The following COPB1 variants were observed in gnomAD, a reference collection of about 807,000 sequenced individuals.
COPB1 encodes coat protein complex I subunit beta 1, also known as coatomer subunit beta.
In COPB1, 21 loss-of-function variants were observed where a neutral mutation model predicts 108.7. That is an observed-to-expected ratio of 0.19 (90% CI 0.14 to 0.28). The LOEUF is 0.28. Ranked by LOEUF, COPB1 falls within the 10% of genes least tolerant of loss-of-function variation. The pLI, the probability that COPB1 is intolerant of heterozygous loss-of-function variation, is 1.00. For missense variants in COPB1, 919 were observed against 1,141.3 expected (o/e 0.81, Z 2.81); for synonymous variants, 378 against 386.8 (o/e 0.98, Z 0.27).
chr11:14,458,105 A>G (rs1043486844), intron 21 of COPB1, among the ~76,000 whole-genome samples: 1 of 132,584 alleles, frequency 7.5e-6, no homozygotes, highest in Non-Finnish European at 1.5e-5. Flanking sequence ...TTTGAGACGA[A>G]GTCTCATTCT....
chr11:14,464,746 T>C (rs1044063521), intron 18 of COPB1, among the ~76,000 whole-genome samples, 165 bp downstream of exon 18: 1 of 152,202 alleles, frequency 6.6e-6, no homozygotes, highest in Non-Finnish European at 1.5e-5. Flanking sequence ...GGTTCATTTC[T>C]GTACATCCAG....
intron 14 of COPB1, among the ~76,000 whole-genome samples, chr11:14,469,825 AACC>A (rs1850364417): frequency 6.6e-6 from 1 of 152,168 alleles, no homozygotes; most frequent in Admixed American, 6.5e-5. Context: ...CCTTCTCTGT[AACC>A]ACTTCATATG....
At chr11:14,482,139 G>A (rs1050026960) in intron 8 of COPB1, among the ~76,000 whole-genome samples, 2 of 152,016 alleles carry the variant, frequency 1.3e-5, no homozygotes, top group African/African-American at 4.8e-5. Flanking sequence ...TCTCTCAAGG[G>A]TAAGGATAAT....
At chr11:14,473,773 T>C (rs1298883614) in intron 14 of COPB1, among the ~76,000 whole-genome samples, 5 of 151,552 alleles carry the variant, frequency 3.3e-5, no homozygotes, top group Non-Finnish European at 5.9e-5. Context: ...AGTGAGCATA[T>C]GCTTATTTGG....
intron 11 of COPB1, among the ~76,000 whole-genome samples, chr11:14,477,896 C>CAAAAAA (rs1289045044): frequency 5.0e-5 from 3 of 59,886 alleles, no homozygotes; most frequent in African/African-American, 1.3e-4. Context: ...GACTCCATCT[C>CAAAAAA]AAAAAAAAAA....
chr11:14,492,372 T>A (rs929468067), intron 4 of COPB1, among the ~76,000 whole-genome samples: 2 of 152,006 alleles, frequency 1.3e-5, no homozygotes, highest in African/African-American at 4.8e-5. Flanking sequence ...AGATGGAGTT[T>A]TGGTTTTGTT....
chr11:14,493,570 C>A, intron 4 of COPB1, 72 bp downstream of exon 4: 1 of 1,316,360 alleles, frequency 7.6e-7, no homozygotes, highest in Non-Finnish European at 1.0e-6. Context: ...TGCAAGCAAC[C>A]ACTTTGGAAC....
chr11:14,465,103 ACACAC>A (rs1850257684), intron 17 of COPB1, 73 bp from the exon 18 acceptor site: 1 of 1,251,132 alleles, frequency 8.0e-7, no homozygotes, highest in East Asian at 2.6e-5. Context: ...ACACACACAC[ACACAC>A]ACTAACCATA....
At chr11:14,481,420 AAG>A (rs1240592355) in intron 8 of COPB1, among the ~76,000 whole-genome samples, 1 of 152,208 alleles carries the variant, frequency 6.6e-6, no homozygotes, top group Non-Finnish European at 1.5e-5. Context: ...CACATCCAGA[AAG>A]AGGGGCATTT....
intron 6 of COPB1, among the ~76,000 whole-genome samples, 162 bp downstream of exon 6, chr11:14,488,330 T>C (rs1349279871): frequency 6.6e-6 from 1 of 152,090 alleles, no homozygotes; most frequent in Non-Finnish European, 1.5e-5. Flanking sequence ...GAAAATACAA[T>C]AAACCAAAAG....
intron 19 of COPB1, among the ~76,000 whole-genome samples, chr11:14,460,885 T>A (rs553455816): frequency 6.6e-6 from 1 of 152,292 alleles, no homozygotes; most frequent in South Asian, 2.1e-4. Context: ...AAAGCCTTTT[T>A]CGGGCACTAG....
intron 18 of COPB1, among the ~76,000 whole-genome samples, chr11:14,463,253 CCT>C (rs1850198428): frequency 6.6e-6 from 1 of 152,188 alleles, no homozygotes; most frequent in East Asian, 1.9e-4. Context: ...GTCTGTATGC[CCT>C]CTCTGGGTGA....
At position 14,499,807 on chromosome 11, in the gene COPB1, G is replaced by GT. The variant is rs1165942120; in HGVS notation, c.-159_-158insA. On this transcript the variant is annotated 5_prime_UTR_variant, in exon 1 of 22. Coordinates refer to ENST00000439561, the MANE Select transcript of COPB1 (RefSeq NM_001144061.2). Reference sequence around the variant, plus strand: ...GTCTACTGCGGCTCCGTCTACTCCGGCTATGAACCGCAGCAGCGGCGGCGG... The same window carrying GT: ...GTCTACTGCGGCTCCGTCTACTCCGGTCTATGAACCGCAGCAGCGGCGGCGG... 6.5e-5 allele frequency: 10 copies of GT among 154,366 alleles called. No individual in the cohort carries two copies. The allele number at this position is 154,366 out of a possible 1,614,324, so 9.6% of individuals were successfully genotyped here. A position where few individuals can be genotyped will look rare whatever the true frequency, so the allele number is the denominator to read the frequency against.
intron 6 of COPB1, 92 bp from the exon 7 acceptor site, chr11:14,486,596 GT>G (rs1375410116): frequency 6.8e-7 from 1 of 1,476,950 alleles, no homozygotes; most frequent in East Asian, 2.3e-5. Flanking sequence ...TGGGATGCTA[GT>G]TTTCTCAATA....
intron 7 of COPB1, among the ~76,000 whole-genome samples, chr11:14,486,022 TGAG>T (rs527254224): frequency 3.3e-5 from 5 of 151,794 alleles, no homozygotes; most frequent in East Asian, 3.9e-4. Flanking sequence ...CTGAGTAGGC[TGAG>T]GAGGAGGAGG....
intron 8 of COPB1, among the ~76,000 whole-genome samples, chr11:14,482,077 C>T (rs1437881555): frequency 6.6e-6 from 1 of 152,142 alleles, no homozygotes; most frequent in African/African-American, 2.4e-5. Context: ...TAGGCATGAG[C>T]CACCACACCT....
At chr11:14,477,860 G>A (rs1030257334) in intron 11 of COPB1, among the ~76,000 whole-genome samples, 2 of 146,588 alleles carry the variant, frequency 1.4e-5, no homozygotes, top group African/African-American at 2.5e-5. Context: ...TCGCGCCACT[G>A]CACTCTAGCC....
chr11:14,462,833 T>C (rs540156812), intron 18 of COPB1, among the ~76,000 whole-genome samples: 1 of 152,338 alleles, frequency 6.6e-6, no homozygotes, highest in South Asian at 2.1e-4. Flanking sequence ...TTATGGTCTA[T>C]AAATATACTC....
rs1850056300 is a variant in COPB1 at position 14,457,591 on chromosome 11, G to C, written c.*233C>G. 2 of 370,294 alleles carry C rather than the reference G, an allele frequency of 5.4e-6. No homozygotes were observed. 22.9% of individuals were successfully genotyped at this position (370,294 alleles called of 1,614,324 possible). A position where few individuals can be genotyped will look rare whatever the true frequency, so the allele number is the denominator to read the frequency against. On this transcript the variant is annotated 3_prime_UTR_variant, in exon 22 of 22. Transcript: ENST00000439561. ...TTTATTGTACTGTGAAAAGGGTCTT[G>C]GTACATGAAACATTATATACTTTGA...
Sources: gnomAD v4.1 joint callset for allele counts (sites outside exome capture counted in the v4.1 genomes callset) on GRCh38, gnomAD v4.1.1 for gene constraint, MANE v1.5 for transcripts, NCBI Gene and HGNC (gene_info 2026-07-23, HGNC 2026-07-21) for gene names.